The following SYNE3 variants were observed in gnomAD, a reference collection of about 807,000 sequenced individuals.
The protein encoded by SYNE3 is spectrin repeat containing nuclear envelope family member 3, also known as nesprin-3.
A neutral mutation model predicts 111.2 loss-of-function variants in SYNE3; 100 were observed. The ratio of observed to expected loss-of-function variants is 0.90; its 90% CI spans 0.77 to 1.06. The LOEUF is 1.06. SYNE3 is among the 50% of genes least tolerant of loss of function. The probability of loss-of-function intolerance (pLI) is 0.00; values close to 1 mark genes in which losing one functional copy is unlikely to be tolerated. For missense variants in SYNE3, 1,160 were observed against 1,240.3 expected, an observed-to-expected ratio of 0.94 and a Z score of 0.97; for synonymous variants, 547 against 533.9, an observed-to-expected ratio of 1.02 and a Z score of -0.34.
intron 17 of SYNE3, among the ~76,000 whole-genome samples, chr14:95,426,515 G>A (rs1185563527): frequency 3.9e-5 from 6 of 152,166 alleles, no homozygotes; most frequent in Non-Finnish European, 8.8e-5. Context: ...GGAGAAGGTA[G>A]TTGTGAGTGT....
intron 9 of SYNE3, among the ~76,000 whole-genome samples, chr14:95,445,319 A>C (rs1040205669): frequency 6.6e-6 from 1 of 152,214 alleles, no homozygotes; most frequent in Non-Finnish European, 1.5e-5. Context: ...AACGAGAAAA[A>C]TAACAGTACC....
rs548289594 is a variant in SYNE3, at chr14:95,455,544, G to A, written c.970C>T (p.Arg324Trp). The A allele has an allele frequency of 8.1e-6, 13 of 1,613,912 alleles. No homozygotes were observed. Among genetic ancestry groups the A allele is most frequent in the East Asian group, 6.7e-5 (3 of 44,884 alleles). The change falls in exon 6 of 18, where the codon CGG (arginine) becomes TGG (tryptophan). Residue 324 changes from arginine to tryptophan, a missense_variant. Transcript: ENST00000682763. ...ALWEEEEERL[R>W]GLLRSRGAWE... The stretch of plus-strand genomic sequence containing the variant: ...GCTCCCCTGGACCGGAGCAGGCCCC[G>A]CAGCCGCTCCTCCTCCTCCTCCCAG...
Position 95,443,193 on chromosome 14 carries a change from G to T in SYNE3, c.1873C>A (p.Leu625Ile), listed in dbSNP as rs1291910900. 2.5e-6 allele frequency: 4 copies of T among 1,614,014 alleles called. No individual in the cohort carries two copies. Among genetic ancestry groups the T allele is most frequent in the Non-Finnish European group, 2.5e-6 (3 of 1,180,012 alleles). ...NPNHQHKMDQ[L>I]SSDFQALQRS... is the part of the protein sequence containing the mutation. ...TGCAGGGCCTGGAAGTCGGAGGAAA[G>T]CTGGTCCATTTTGTGCTGGTGGTTG... The change falls in exon 11 of 18, where the codon CTT becomes ATT. Residue 625 changes from leucine to isoleucine, a missense_variant. By Grantham distance (5) the Leu-to-Ile change is conservative (BLOSUM62 2). Coordinates refer to ENST00000682763, the MANE Select transcript of SYNE3 (RefSeq NM_152592.6).
rs551224644 is a variant in SYNE3 at position 95,502,146 on chromosome 14, A to G, written c.-15+14450T>C. On this transcript the variant is annotated intron_variant, in intron 1 of 17. Transcript: ENST00000682763. ...GCACACCATCCAGGTTTTAACCTTG[A>G]AAGTCCCAAACCCCAGGAAACCTCT... Among the ~76,000 whole-genome samples the G allele has an allele frequency of 2.2e-3, 337 of 152,298 alleles. 2 individuals carry two copies. Among genetic ancestry groups the G allele is most frequent in the African/African-American group, 7.7e-3 (321 of 41,566 alleles).
At chr14:95,460,830 G>GT (rs1218278807) in intron 4 of SYNE3, among the ~76,000 whole-genome samples, 21 of 152,348 alleles carry the variant, frequency 1.4e-4, no homozygotes, top group Non-Finnish European at 5.9e-5. Flanking sequence ...TGGATGCTGG[G>GT]CCCCTGGCCG....
intron 1 of SYNE3, among the ~76,000 whole-genome samples, chr14:95,491,557 C>T (rs12883807): frequency 0.014 from 2,155 of 152,074 alleles, 19 homozygotes; most frequent in South Asian, 0.026. Flanking sequence ...TACATCACAC[C>T]GTATACTAAA....
intron 1 of SYNE3, among the ~76,000 whole-genome samples, chr14:95,480,976 G>C (rs1889210226): frequency 6.6e-6 from 1 of 152,198 alleles, no homozygotes; most frequent in Non-Finnish European, 1.5e-5. Flanking sequence ...CTGGCGGCCT[G>C]GGCAGAGCCT....
intron 7 of SYNE3, chr14:95,450,312 T>G (rs113088003): frequency 1.6e-6 from 1 of 629,540 alleles, no homozygotes; most frequent in East Asian, 2.8e-5. Flanking sequence ...TGAAAAGGCA[T>G]CAGCAGCAGG....
At position 95,413,561 on chromosome 14, in the gene SYNE3, A is replaced by C. The variant is rs1157871050; in HGVS notation, c.*4265T>G. On this transcript the variant is annotated 3_prime_UTR_variant, in exon 18 of 18. Transcript: ENST00000682763. ...ACCGGTCCCAGTTTGCCAGCTGTAA[A>C]ATCCATTAGGGAACATCCAGCACAA... The C allele has an allele frequency of 6.6e-6, 1 of 152,312 alleles. No individual in the cohort carries two copies. Among genetic ancestry groups the C allele is most frequent in the Non-Finnish European group, 1.5e-5 (1 of 68,212 alleles). 9.4% of individuals were successfully genotyped at this position (152,312 alleles called of 1,614,324 possible). A position where few individuals can be genotyped will look rare whatever the true frequency, so the allele number is the denominator to read the frequency against.
At chr14:95,457,084 CAAAAAAA>C (rs55934257) in intron 5 of SYNE3, 86 bp downstream of exon 5, 40 of 1,235,220 alleles carry the variant, frequency 3.2e-5, no homozygotes, top group Middle Eastern at 2.3e-4. Context: ...GACTCCATCT[CAAAAAAA>C]AAAAAAAAAA....
chr14:95,422,101 A>G (rs1015462399), intron 17 of SYNE3, among the ~76,000 whole-genome samples: 1 of 152,130 alleles, frequency 6.6e-6, no homozygotes, highest in Admixed American at 6.5e-5. Context: ...TGAATGAATG[A>G]AACCATGAAT....
chr14:95,444,597 G>A lies in SYNE3; in HGVS notation c.1664C>T (p.Ala555Val), dbSNP rs565608397. The change falls in exon 10 of 18, where the codon GCA becomes GTA. Residue 555 changes from alanine (A) to valine (V), a missense_variant. Ala to Val is a moderately conservative substitution (Grantham distance 64, BLOSUM62 0). Transcript: ENST00000682763. ...SLLAQHKDFG[A>V]AFEPLQRKLL... ...CTTCCTCTGCAGGGGCTCAAAAGCT[G>A]CTCCAAAGTCTTTGTGCTGAGCGAG... 91 of 1,610,786 alleles carry A rather than the reference G, an allele frequency of 5.6e-5. 1 individual carries two copies. In the East Asian group the frequency reaches 1.6e-3, roughly 28 times the overall value.
intron 17 of SYNE3, among the ~76,000 whole-genome samples, chr14:95,430,974 C>T (rs1441775321): frequency 9.2e-5 from 14 of 152,232 alleles, no homozygotes; most frequent in Admixed American, 8.5e-4. Context: ...TGGTTACCCA[C>T]TCTCCTATAG....
Position 95,475,703 on chromosome 14 carries a change from A to G in SYNE3, c.119T>C (p.Leu40Pro), listed in dbSNP as rs1479084232. The G allele has an allele frequency of 2.5e-6, 4 of 1,589,374 alleles. No homozygotes were observed. Among genetic ancestry groups the G allele is most frequent in the Non-Finnish European group, 3.4e-6 (4 of 1,169,138 alleles). The change falls in exon 2 of 18, where the codon CTG becomes CCG. Residue 40 changes from leucine (L) to proline (P), a missense_variant. Leu to Pro is a moderately conservative substitution (Grantham distance 98). Transcript: ENST00000682763. ...CTCGGTCTCCCACAGCCTGGCCTCC[A>G]GGGCCGCGCGGGGTCCCTGCGTGTT... Reference protein sequence around the residue: ...NDNTQGPRAALEARLWETEKI... With the variant: ...NDNTQGPRAAPEARLWETEKI...
chr14:95,433,520 G>T, intron 15 of SYNE3, 111 bp from the exon 16 acceptor site: 1 of 1,447,898 alleles, frequency 6.9e-7, no homozygotes, highest in Admixed American at 2.1e-5. Context: ...TAGGCAGGGA[G>T]GAGGCAGACA....
chr14:95,467,642 G>A (rs1429545881), intron 3 of SYNE3, among the ~76,000 whole-genome samples, 153 bp downstream of exon 3: 1 of 152,246 alleles, frequency 6.6e-6, no homozygotes, highest in African/African-American at 2.4e-5. Context: ...ATTAGAAAGA[G>A]GCAGGCAGGG....
chr14:95,461,966 C>CG (rs1555355632), intron 4 of SYNE3, among the ~76,000 whole-genome samples: 4 of 152,148 alleles, frequency 2.6e-5, no homozygotes, highest in Admixed American at 1.3e-4. Context: ...AGGTCAATGC[C>CG]GGGGGCTGCA....
intron 4 of SYNE3, among the ~76,000 whole-genome samples, chr14:95,465,578 T>C (rs1042501235): frequency 6.6e-6 from 1 of 152,016 alleles, no homozygotes; most frequent in African/African-American, 2.4e-5. Context: ...AAGAGATGAA[T>C]AGCAGATTGA....
In SYNE3 at chr14:95,417,797, G is replaced by A. The variant is rs1224499033; in HGVS notation, c.*29C>T. The A allele has an allele frequency of 2.5e-6, 4 of 1,612,330 alleles. No individual in the cohort carries two copies. The Admixed American group carries it at 5.0e-5, about 20-fold the overall frequency. The stretch of plus-strand genomic sequence containing the variant: ...GGCCCTGGGACTGATGGAGGTTGGA[G>A]GAGAAAGTCACCTGTGTGCCCCAGT... On this transcript the variant is annotated 3_prime_UTR_variant, in exon 18 of 18. Coordinates refer to ENST00000682763, the MANE Select transcript of SYNE3 (RefSeq NM_152592.6).
Sources: gnomAD v4.1 joint callset for allele counts (sites outside exome capture counted in the v4.1 genomes callset) on GRCh38, gnomAD v4.1.1 for gene constraint, MANE v1.5 for transcripts, NCBI Gene and HGNC (gene_info 2026-07-23, HGNC 2026-07-21) for gene names.